The following DHRSX variants were observed in gnomAD, a reference collection of about 807,000 sequenced individuals.
DHRSX encodes dehydrogenase/reductase X-linked.
DHRSX carries 31 observed loss-of-function variants against 34.0 expected under a neutral mutation model. The observed-to-expected ratio is 0.91, with a 90% CI of 0.69 to 1.23. DHRSX has a LOEUF of 1.23. DHRSX is among the 50% of genes most tolerant of loss of function. The pLI is 0.00. For missense variants in DHRSX, 414 were observed against 428.1 expected (o/e 0.97, Z 0.29); for synonymous variants, 201 against 183.8 (o/e 1.09, Z -0.76).
chrX:2,299,530 TGACA>T (rs1463854413), intron 3 of DHRSX, among the ~76,000 whole-genome samples: 1 of 152,058 alleles, frequency 6.6e-6, no homozygotes, highest in Non-Finnish European at 1.5e-5. Context: ...TGCAACTCAG[TGACA>T]GACAGTAAAC....
At chrX:2,489,615 A>G (rs2045067246) in intron 1 of DHRSX, 2 of 1,612,464 alleles carry the variant, frequency 1.2e-6, no homozygotes, top group African/African-American at 2.7e-5. Context: ...GCGATGACGA[A>G]CTGCTGCTCC....
At chrX:2,381,797 C>CAAAAAAAAA (rs767319246) in intron 3 of DHRSX, among the ~76,000 whole-genome samples, 2 of 81,608 alleles carry the variant, frequency 2.5e-5, no homozygotes, top group Non-Finnish European at 4.3e-5. Flanking sequence ...AAGCCACAAC[C>CAAAAAAAAA]AAAAAAAAAA....
chrX:2,454,086 C>A (rs779634129), intron 1 of DHRSX, among the ~76,000 whole-genome samples: 209 of 152,172 alleles, frequency 1.4e-3, no homozygotes, highest in African/African-American at 4.8e-3. Context: ...ACTTGCATTT[C>A]CAGGCAGAAA....
At chrX:2,298,541 G>T (rs2041962836) in intron 3 of DHRSX, among the ~76,000 whole-genome samples, 1 of 146,728 alleles carries the variant, frequency 6.8e-6, no homozygotes. Flanking sequence ...TTCCTGGTCT[G>T]AAGCACACAG....
intron 2 of DHRSX, among the ~76,000 whole-genome samples, chrX:2,419,400 G>T (rs749329368): frequency 6.6e-6 from 1 of 152,282 alleles, no homozygotes; most frequent in East Asian, 1.9e-4. Flanking sequence ...TATTGTGGAA[G>T]TCAGTGTGGC....
At chrX:2,392,421 C>T (rs1287935886) in intron 3 of DHRSX, 4 of 289,994 alleles carry the variant, frequency 1.4e-5, no homozygotes, top group South Asian at 9.5e-5. Flanking sequence ...GTGGGAGGAT[C>T]GCTTGAGTTC....
Position 2,305,598 on chromosome X carries a change from C to T in DHRSX, c.287-13995G>A, listed in dbSNP as rs180751688. Among the ~76,000 whole-genome samples the T allele has an allele frequency of 5.5e-4, 84 of 152,140 alleles. No homozygotes were observed. The Middle Eastern group carries it at 0.01, about 18-fold the overall frequency. ...AAGACTTGGAACCAACGCAAATGCC[C>T]GTCATTGATAGACTGAATAAAGAAA... On this transcript the variant is annotated intron_variant, in intron 3 of 6. Transcript: ENST00000334651.
chrX:2,468,427 T>C (rs1193426072), intron 1 of DHRSX, among the ~76,000 whole-genome samples: 3 of 147,832 alleles, frequency 2.0e-5, no homozygotes, highest in Admixed American at 2.0e-4. Context: ...GGATACCACA[T>C]AAGAGTCAGA....
chrX:2,446,461 C>T (rs56817135), intron 1 of DHRSX, among the ~76,000 whole-genome samples: 5 of 133,274 alleles, frequency 3.8e-5, no homozygotes, highest in Non-Finnish European at 8.2e-5. Context: ...ACACTGAAGA[C>T]GGTCTCGAGG....
At position 2,291,565 on chromosome X, in the gene DHRSX, T is replaced by C. The variant is rs762714537; in HGVS notation, c.325A>G (p.Ile109Val). The change falls in exon 4 of 7, where the codon ATC becomes GTC. Residue 109 changes from isoleucine to valine, a missense_variant. Coordinates refer to ENST00000334651, the MANE Select transcript of DHRSX (RefSeq NM_145177.3). ...TTGAACTTCTGCACAAACTGCCGGATGGAAGTCATGGAAGCCAAGTCACAG... is the reference window on the plus strand; with the variant it reads ...TTGAACTTCTGCACAAACTGCCGGACGGAAGTCATGGAAGCCAAGTCACAG... ...LYCDLASMTS[I>V]RQFVQKFKMK... is the part of the protein sequence containing the mutation. 1.2e-6 allele frequency: 2 copies of C among 1,613,800 alleles called. No individual in the cohort carries two copies. Among genetic ancestry groups the C allele is most frequent in the African/African-American group, 1.3e-5 (1 of 74,900 alleles).
intron 3 of DHRSX, among the ~76,000 whole-genome samples, chrX:2,330,661 GAGA>G (rs202100782): frequency 5.2e-5 from 7 of 135,666 alleles, no homozygotes; most frequent in South Asian, 2.2e-4. Context: ...GAAGATGAAG[GAGA>G]AGAAGGAGAA....
chrX:2,240,951 G>C (rs985808090), intron 6 of DHRSX, among the ~76,000 whole-genome samples: 6 of 152,066 alleles, frequency 3.9e-5, no homozygotes, highest in Admixed American at 3.9e-4. Context: ...AGACCGAGGC[G>C]GGCAGATTAC....
Position 2,387,833 on chromosome X carries a change from CAG to C in DHRSX, c.286+20910_286+20911del, listed in dbSNP as rs1444890741. Among the ~76,000 whole-genome samples the C allele has an allele frequency of 3.7e-5, 5 of 134,814 alleles. No individual in the cohort carries two copies. In the East Asian group the frequency reaches 8.7e-4, roughly 23 times the overall value. 88.4% of individuals were successfully genotyped at this position (134,814 alleles called of 152,430 possible). On this transcript the variant is annotated intron_variant, in intron 3 of 6. Transcript: ENST00000334651. ...TCCAGAGTGTGCATGGATCAGATAA[CAG>C]GGGTGAATTTCCTCACAGCAGGCGG... is the stretch of plus-strand genomic sequence containing the variant.
At chrX:2,459,979 G>A (rs1413648322) in intron 1 of DHRSX, among the ~76,000 whole-genome samples, 1 of 151,994 alleles carries the variant, frequency 6.6e-6, no homozygotes, top group African/African-American at 2.4e-5. Context: ...GTGGTGGCGG[G>A]CGACTGTAAT....
At chrX:2,306,807 G>A (rs771756635) in intron 3 of DHRSX, among the ~76,000 whole-genome samples, 2 of 152,118 alleles carry the variant, frequency 1.3e-5, no homozygotes, top group Admixed American at 1.3e-4. Flanking sequence ...AGGTTTTGTA[G>A]AATAAGTTAG....
chrX:2,282,872 G>GGGGAGAGA (rs1270953141), intron 4 of DHRSX, among the ~76,000 whole-genome samples: 38 of 138,338 alleles, frequency 2.7e-4, no homozygotes, highest in Admixed American at 5.7e-4. Context: ...GGAGAGAGAG[G>GGGGAGAGA]GGGAGAGAGG....
intron 1 of DHRSX, among the ~76,000 whole-genome samples, chrX:2,485,224 G>C (rs2044858077): frequency 6.6e-6 from 1 of 152,108 alleles, no homozygotes; most frequent in Non-Finnish European, 1.5e-5. Context: ...TCAAGGACTA[G>C]AATTACTCCT....
chrX:2,432,451 G>A (rs1346476293), intron 1 of DHRSX, among the ~76,000 whole-genome samples: 3 of 152,130 alleles, frequency 2.0e-5, no homozygotes, highest in Non-Finnish European at 4.4e-5. Context: ...GAACACAATG[G>A]CCCTGTAGGA....
intron 5 of DHRSX, among the ~76,000 whole-genome samples, chrX:2,249,962 G>A (rs1308607696): frequency 6.6e-6 from 1 of 151,808 alleles, no homozygotes; most frequent in Non-Finnish European, 1.5e-5. Flanking sequence ...AGGAGATCGA[G>A]ACCATCCTGG....
Sources: gnomAD v4.1 joint callset for allele counts (sites outside exome capture counted in the v4.1 genomes callset) on GRCh38, gnomAD v4.1.1 for gene constraint, MANE v1.5 for transcripts, NCBI Gene and HGNC (gene_info 2026-07-23, HGNC 2026-07-21) for gene names.